Variants in CYP26C1 observed in about 807,000 individuals in gnomAD.
The protein encoded by CYP26C1 is cytochrome P450 family 26 subfamily C member 1, also known as cytochrome P450 26C1.
Under a neutral mutation model 39.1 loss-of-function variants are expected in CYP26C1, and 41 were observed. The observed-to-expected ratio is 1.05, with a 90% CI of 0.82 to 1.36. The LOEUF (loss-of-function observed/expected upper bound fraction) is 1.36, where lower values mean the gene tolerates loss of function less well. Among genes scored for constraint, CYP26C1 ranks in the 40% most tolerant of loss-of-function variants. The probability of loss-of-function intolerance (pLI) is 0.00; values close to 1 mark genes in which losing one functional copy is unlikely to be tolerated. For missense variants in CYP26C1, 833 were observed against 752.0 expected (o/e 1.11, Z -1.26); for synonymous variants, 362 against 350.8 (o/e 1.03, Z -0.36).
chr10:93,063,942 C>A, intron 3 of CYP26C1: 1 of 991,276 alleles, frequency 1.0e-6, no homozygotes, highest in Non-Finnish European at 1.2e-6. Context: ...CTAATGCTTA[C>A]AAATCCAATA....
chr10:93,061,107 C>A lies in CYP26C1; in HGVS notation c.-157C>A. ...TTTCACCGTCCGTCTGTTTTTAGAA[C>A]AGAGTTCTGGCCTGAGCTTATAAAT... On this transcript the variant is annotated 5_prime_UTR_variant, in exon 1 of 6. Transcript: ENST00000651965. 1 of 741,966 alleles carries A rather than the reference C, an allele frequency of 1.3e-6. No homozygotes were observed. 46.0% of individuals were successfully genotyped at this position (741,966 alleles called of 1,614,324 possible).
At chr10:93,066,633 A>T (rs1846833205) in intron 5 of CYP26C1, among the ~76,000 whole-genome samples, 1 of 152,188 alleles carries the variant, frequency 6.6e-6, no homozygotes, top group South Asian at 2.1e-4. Flanking sequence ...CCTCCCAGCC[A>T]GTGAGTGTGG....
intron 5 of CYP26C1, 33 bp from the exon 6 acceptor site, chr10:93,068,287 C>G (rs776757707): frequency 6.8e-7 from 1 of 1,479,350 alleles, no homozygotes; most frequent in Non-Finnish European, 9.0e-7. Context: ...CCAGGTGCCT[C>G]GTGGTCAGGC....
chr10:93,066,498 A>G (rs991670369), intron 5 of CYP26C1, among the ~76,000 whole-genome samples: 1 of 152,224 alleles, frequency 6.6e-6, no homozygotes, highest in Non-Finnish European at 1.5e-5. Flanking sequence ...TGAGGGACGC[A>G]AAGCCTGGCG....
intron 5 of CYP26C1, 34 bp downstream of exon 5, chr10:93,066,319 C>A: frequency 3.2e-6 from 4 of 1,267,152 alleles, no homozygotes; most frequent in African/African-American, 1.6e-5. Flanking sequence ...GGCCAGCCTC[C>A]TGCCTCCTGC....
In CYP26C1 at chr10:93,062,731, C is replaced by A. The variant is rs1846767292; in HGVS notation, c.441C>A (p.Arg147=). ...PHRRRRKVLA[R]VFSRAALERY... ...GCGCGCTCCCACAGGTCCTGGCGCG[C>A]GTGTTCAGCCGCGCCGCGCTGGAGC... The change falls in exon 3 of 6, where the codon CGC becomes CGA. Residue 147 remains arginine (R), a synonymous_variant. Transcript: ENST00000651965. 1 of 1,428,124 alleles carries A rather than the reference C, an allele frequency of 7.0e-7. No individual in the cohort carries two copies. Among genetic ancestry groups the A allele is most frequent in the African/African-American group, 1.5e-5 (1 of 66,282 alleles). 88.5% of individuals were successfully genotyped at this position (1,428,124 alleles called of 1,614,324 possible). A position where few individuals can be genotyped will look rare whatever the true frequency, so the allele number is the denominator to read the frequency against.
At position 93,062,912 on chromosome 10, in the gene CYP26C1, G is replaced by C. The variant is rs116394550; in HGVS notation, c.622G>C (p.Ala208Pro). ...GTTGCGGCTGGACGAGGCGCAGTGC[G>C]CCACGCTGGCCCGGACCTTCGAGCA... Reference protein sequence around the residue: ...LGLRLDEAQCATLARTFEQLV... With the variant: ...LGLRLDEAQCPTLARTFEQLV... The change falls in exon 3 of 6, where the codon GCC (alanine) becomes CCC (proline). Residue 208 changes from alanine (A) to proline (P), a missense_variant. Coordinates refer to ENST00000651965, the MANE Select transcript of CYP26C1 (RefSeq NM_183374.3). The C allele has an allele frequency of 7.7e-5, 124 of 1,605,432 alleles. No homozygotes were observed. The African/African-American group carries it at 1.6e-3, about 21-fold the overall frequency.
At chr10:93,062,485 A>G (rs773298960) in intron 2 of CYP26C1, among the ~76,000 whole-genome samples, 13 of 152,204 alleles carry the variant, frequency 8.5e-5, no homozygotes, top group Non-Finnish European at 1.3e-4. Context: ...TCAGACCTAG[A>G]AAGGGGCCAG....
At chr10:93,067,913 C>T (rs1022803257) in intron 5 of CYP26C1, among the ~76,000 whole-genome samples, 11 of 152,160 alleles carry the variant, frequency 7.2e-5, no homozygotes, top group African/African-American at 2.7e-4. Context: ...TTTTCCCACT[C>T]TAGCAGCTGG....
chr10:93,062,796 T>G lies in CYP26C1; in HGVS notation c.506T>G (p.Val169Gly), dbSNP rs1320445869. 1 of 1,542,214 alleles carries G rather than the reference T, an allele frequency of 6.5e-7. No individual in the cohort carries two copies. Among genetic ancestry groups the G allele is most frequent in the Non-Finnish European group, 8.7e-7 (1 of 1,150,848 alleles). The change falls in exon 3 of 6, where the codon GTG (valine) becomes GGG (glycine). Residue 169 changes from valine (V) to glycine (G), a missense_variant. Transcript: ENST00000651965. ...PRLQGALRHE[V>G]RSWCAAGGPV... ...CTGCAGGGGGCGCTGCGGCATGAGG[T>G]GCGCTCCTGGTGCGCGGCGGGCGGG...
At chr10:93,065,811 A>G in intron 4 of CYP26C1, 145 bp from the exon 5 acceptor site, 1 of 686,048 alleles carries the variant, frequency 1.5e-6, no homozygotes, top group Non-Finnish European at 2.1e-6. Context: ...CCGTACACAC[A>G]GTCGCGGCGG....
rs771836319 is a variant in CYP26C1, at chr10:93,066,317, TCCTGCCTCCTGCCGCCTGCCGCCTGCCG to T, written c.1191+39_1191+66del. 4.0e-6 allele frequency: 5 copies of T among 1,261,858 alleles called. No individual in the cohort carries two copies. In the African/African-American group the frequency reaches 6.6e-5, roughly 17 times the overall value. The allele number at this position is 1,261,858 out of a possible 1,614,324, so 78.2% of individuals were successfully genotyped here. ...GCGCCGTGCCAGCCCATGGCCAGCC[TCCTGCCTCCTGCCGCCTGCCGCCTGCCG>T]CCTGCCGCCTGCCGCGGCGGCGCCC... On this transcript the variant is annotated intron_variant, in intron 5 of 5. Coordinates refer to ENST00000651965, the MANE Select transcript of CYP26C1 (RefSeq NM_183374.3).
chr10:93,067,057 G>C (rs1230299015), intron 5 of CYP26C1, among the ~76,000 whole-genome samples: 2 of 152,264 alleles, frequency 1.3e-5, no homozygotes, highest in Non-Finnish European at 2.9e-5. Flanking sequence ...AGTCCCCTGA[G>C]CACCATGCTT....
At position 93,061,240 on chromosome 10, in the gene CYP26C1, C is replaced by T. The variant is rs1197686230; in HGVS notation, c.-24C>T. 2.6e-6 allele frequency: 4 copies of T among 1,547,364 alleles called. No homozygotes were observed. The highest frequency in any genetic ancestry group is 2.6e-6 in the Non-Finnish European group (3 of 1,148,966). On this transcript the variant is annotated 5_prime_UTR_variant, in exon 1 of 6. Transcript: ENST00000651965. The stretch of plus-strand genomic sequence containing the variant: ...TCCCCTGCTCTCCCTGCGCTCTGAG[C>T]GGCCTGGCCCCCGCGGGCTCATCAT...
intron 3 of CYP26C1, chr10:93,063,523 C>T (rs1244124189): frequency 1.0e-6 from 1 of 986,034 alleles, no homozygotes; most frequent in Non-Finnish European, 1.2e-6. Flanking sequence ...CTTCTCCAGA[C>T]TTCAGAACAA....
chr10:93,060,823 A>ATCTC lies in CYP26C1; in HGVS notation c.-441_-440insTCTC. 1 of 200,644 alleles carries ATCTC rather than the reference A, an allele frequency of 5.0e-6. No homozygotes were observed. Among genetic ancestry groups the ATCTC allele is most frequent in the Non-Finnish European group, 1.0e-5 (1 of 100,008 alleles). The allele number at this position is 200,644 out of a possible 1,614,324, so 12.4% of individuals were successfully genotyped here. The stretch of plus-strand genomic sequence containing the variant: ...AGGGTTAAACGACTGGAGGAGGGAC[A>ATCTC]GGTGGGGCGGGGGTCTGCAGACCAG... On this transcript the variant is annotated 5_prime_UTR_variant, in exon 1 of 6. Transcript: ENST00000651965.
In CYP26C1 at chr10:93,064,449, C is replaced by G; in HGVS notation, c.774C>G (p.Asp258Glu). The change falls in exon 4 of 6, where the codon GAC (aspartate) becomes GAG (glutamate). Residue 258 changes from aspartate (D) to glutamate (E), a missense_variant. Coordinates refer to ENST00000651965, the MANE Select transcript of CYP26C1 (RefSeq NM_183374.3). ...EGAISEKLHE[D>E]KAAEPGDALD... ...CCATTTCTGAGAAGCTTCACGAGGA[C>G]AAGGCTGCAGAGCCGGGTGATGCCC... 6.2e-7 allele frequency: 1 copy of G among 1,614,162 alleles called. No individual in the cohort carries two copies. Among genetic ancestry groups the G allele is most frequent in the Non-Finnish European group, 8.5e-7 (1 of 1,180,030 alleles).
chr10:93,064,544 C>G lies in CYP26C1; in HGVS notation c.861+8C>G. The G allele has an allele frequency of 6.2e-7, 1 of 1,608,802 alleles. No individual in the cohort carries two copies. The highest frequency in any genetic ancestry group is 2.2e-5 in the East Asian group (1 of 44,720). On this transcript the variant is annotated splice_region_variant and intron_variant, in intron 4 of 5. Coordinates refer to ENST00000651965, the MANE Select transcript of CYP26C1 (RefSeq NM_183374.3). ...TCCATGCAGGAGCTGAAGGTAGGTGCTGACAGGCCGCTCCTTCTCCCCTCT... is the reference window on the plus strand; with the variant it reads ...TCCATGCAGGAGCTGAAGGTAGGTGGTGACAGGCCGCTCCTTCTCCCCTCT...
At position 93,067,193 on chromosome 10, in the gene CYP26C1, G is replaced by A. The variant is rs560870193; in HGVS notation, c.1191+908G>A. 2.0e-5 allele frequency among the ~76,000 whole-genome samples: 3 copies of A among 152,380 alleles called. No individual in the cohort carries two copies. The East Asian group carries it at 5.8e-4, about 29-fold the overall frequency. ...ACCCTGGAGGGGCTCCACTTGGAGAGGAAGGGGGCCGGGACTGACAGCCTC... is the reference window on the plus strand; with the variant it reads ...ACCCTGGAGGGGCTCCACTTGGAGAAGAAGGGGGCCGGGACTGACAGCCTC... On this transcript the variant is annotated intron_variant, in intron 5 of 5. Transcript: ENST00000651965.
Sources: gnomAD v4.1 joint callset for allele counts (sites outside exome capture counted in the v4.1 genomes callset) on GRCh38, gnomAD v4.1.1 for gene constraint, MANE v1.5 for transcripts, NCBI Gene and HGNC (gene_info 2026-07-23, HGNC 2026-07-21) for gene names.